The following HIVEP3 variants were observed in gnomAD, a reference collection of about 807,000 sequenced individuals.
The protein encoded by HIVEP3 is HIVEP zinc finger 3.
Under a neutral mutation model 152.8 loss-of-function variants are expected in HIVEP3, and 49 were observed. That is an observed-to-expected ratio of 0.32 (90% confidence interval 0.26 to 0.41). The LOEUF is 0.41. HIVEP3 is among the 10% of genes least tolerant of loss of function. HIVEP3 has a pLI of 1.00. For missense variants in HIVEP3, 2,790 were observed against 3,103.3 expected, an observed-to-expected ratio of 0.90 and a Z score of 2.40; for synonymous variants, 1,269 against 1,289.0, an observed-to-expected ratio of 0.98 and a Z score of 0.33.
At chr1:41,524,675 C>T (rs1642849627) in intron 6 of HIVEP3, 60 bp downstream of exon 6, 2 of 1,490,774 alleles carry the variant, frequency 1.3e-6, no homozygotes, top group South Asian at 1.1e-5. Flanking sequence ...TGTGCTGGGA[C>T]TCCCAGAGGG....
chr1:41,988,611 T>A (rs1459143914), intron 1 of HIVEP3, among the ~76,000 whole-genome samples: 1 of 152,196 alleles, frequency 6.6e-6, no homozygotes, highest in Non-Finnish European at 1.5e-5. Flanking sequence ...TCTACACTAC[T>A]GATGGGAATG....
intron 1 of HIVEP3, among the ~76,000 whole-genome samples, chr1:42,008,730 G>C (rs769706904): frequency 2.1e-4 from 32 of 152,088 alleles, no homozygotes; most frequent in Non-Finnish European, 2.9e-5. Context: ...CACATGGCTG[G>C]TACAGCAGAC....
intron 3 of HIVEP3, among the ~76,000 whole-genome samples, chr1:41,619,454 ATG>A (rs369682216): frequency 6.6e-6 from 1 of 152,188 alleles, no homozygotes; most frequent in African/African-American, 2.4e-5. Context: ...GAGAGTGTGC[ATG>A]TGTGTGTAGT....
chr1:41,691,524 G>A (rs1646198735), intron 2 of HIVEP3, among the ~76,000 whole-genome samples: 2 of 152,170 alleles, frequency 1.3e-5, no homozygotes, highest in Admixed American at 1.3e-4. Flanking sequence ...CGGGATTAGT[G>A]CCCTTATAAA....
intron 1 of HIVEP3, among the ~76,000 whole-genome samples, chr1:41,761,251 T>C (rs945084614): frequency 6.6e-6 from 1 of 152,194 alleles, no homozygotes; most frequent in Non-Finnish European, 1.5e-5. Context: ...TACATGTGTA[T>C]GTATGCATGT....
At chr1:41,942,869 G>A (rs577506346) in intron 1 of HIVEP3, among the ~76,000 whole-genome samples, 7 of 152,008 alleles carry the variant, frequency 4.6e-5, no homozygotes, top group Non-Finnish European at 8.8e-5. Context: ...AATATAAACA[G>A]GAAGATATAT....
intron 3 of HIVEP3, among the ~76,000 whole-genome samples, chr1:41,596,713 CTAAT>C (rs1193400080): frequency 2.0e-5 from 3 of 152,196 alleles, no homozygotes; most frequent in Non-Finnish European, 2.9e-5. Context: ...AGGGCTGAGG[CTAAT>C]TGCTTCAGAT....
intron 1 of HIVEP3, among the ~76,000 whole-genome samples, chr1:41,805,967 C>A (rs1312726912): frequency 2.0e-5 from 3 of 152,196 alleles, no homozygotes; most frequent in Non-Finnish European, 4.4e-5. Flanking sequence ...TCCCCCCACT[C>A]CCTCCCGTGT....
chr1:41,744,020 A>G lies in HIVEP3; in HGVS notation c.-800-43025T>C, dbSNP rs565967700. Among the ~76,000 whole-genome samples the G allele has an allele frequency of 2.0e-5, 3 of 151,928 alleles. No individual in the cohort carries two copies. The East Asian group carries it at 5.8e-4, about 29-fold the overall frequency. ...CATAGAATCTTTCCCTTCTGACTTG[A>G]GTTCAGAAGCCAGCCAGCATTTTTT... is the stretch of plus-strand genomic sequence containing the variant. On this transcript the variant is annotated intron_variant, in intron 1 of 8. Transcript: ENST00000372583.
At position 41,582,336 on chromosome 1, in the gene HIVEP3, TC is replaced by T; in HGVS notation, c.2461del (p.Glu821LysfsTer39). ...TGGGAACTGGGCCAGAGGTTTGTCT[TC>T]CCCTTCCAAGCCACTCGGCTGCTCG... ...SLEQPSGLEGEDKPLAQFPSP... is the reference protein window; with the variant it reads ...SLEQPSGLEGXDKPLAQFPSP... On this transcript the variant is annotated frameshift_variant, in exon 4 of 9. Transcript: ENST00000372583. LOFTEE classifies it high-confidence loss of function. The surrounding 1 kb of genome is among the most constrained non-coding windows in gnomAD (Gnocchi z 4.7). 3 of 1,614,034 alleles carry T rather than the reference TC, an allele frequency of 1.9e-6. No homozygotes were observed. The highest frequency in any genetic ancestry group is 2.5e-6 in the Non-Finnish European group (3 of 1,179,962).
chr1:41,955,395 G>T (rs1405193143), intron 1 of HIVEP3, among the ~76,000 whole-genome samples: 2 of 152,104 alleles, frequency 1.3e-5, no homozygotes, highest in East Asian at 1.9e-4. Flanking sequence ...TTAATTAGTA[G>T]CTCCATCATT....
At chr1:41,676,399 C>T (rs1373458820) in intron 2 of HIVEP3, among the ~76,000 whole-genome samples, 1 of 152,006 alleles carries the variant, frequency 6.6e-6, no homozygotes, top group African/African-American at 2.4e-5. Context: ...CTGGGGATGG[C>T]GGGGACAGTT....
intron 1 of HIVEP3, among the ~76,000 whole-genome samples, chr1:41,897,964 AG>A (rs1180697697): frequency 5.4e-5 from 8 of 148,134 alleles, no homozygotes; most frequent in African/African-American, 1.8e-4. Flanking sequence ...AGAGAGAGAG[AG>A]AGAGAGAGAG....
chr1:41,749,862 C>T (rs1647132519), intron 1 of HIVEP3, among the ~76,000 whole-genome samples: 1 of 152,182 alleles, frequency 6.6e-6, no homozygotes, highest in Non-Finnish European at 1.5e-5. Flanking sequence ...GTGGGGGTCA[C>T]CTCTGTCCAA....
chr1:41,797,533 G>A (rs1650050655), intron 1 of HIVEP3, among the ~76,000 whole-genome samples: 1 of 152,108 alleles, frequency 6.6e-6, no homozygotes, highest in Non-Finnish European at 1.5e-5. Context: ...GAGAATTTCT[G>A]GTAGGAGGAG....
At chr1:41,682,240 C>T (rs1001705691) in intron 2 of HIVEP3, among the ~76,000 whole-genome samples, 1 of 152,198 alleles carries the variant, frequency 6.6e-6, no homozygotes, top group African/African-American at 2.4e-5. Flanking sequence ...CTTTCAGGCC[C>T]ATCCCCACCA....
intron 1 of HIVEP3, among the ~76,000 whole-genome samples, chr1:41,714,495 A>T (rs1193403066): frequency 6.6e-6 from 1 of 152,212 alleles, no homozygotes; most frequent in Non-Finnish European, 1.5e-5. Context: ...GATTTCAAGG[A>T]CAGCAGGGGG....
At chr1:42,012,132 G>A (rs555135483) in intron 1 of HIVEP3, among the ~76,000 whole-genome samples, 1 of 152,222 alleles carries the variant, frequency 6.6e-6, no homozygotes, top group African/African-American at 2.4e-5. Context: ...CCTGACTTAG[G>A]CCATGTTTAG....
rs1175028926 is a variant in HIVEP3, at chr1:41,507,333, G to T, written c.*3118C>A. On this transcript the variant is annotated 3_prime_UTR_variant, in exon 9 of 9. Coordinates refer to ENST00000372583, the MANE Select transcript of HIVEP3 (RefSeq NM_024503.5). ...GTCGGGCTCCTGGAGGGTTGCAGGG[G>T]TTGAGCCCAGAGTGAGAGCCACAGG... 6.6e-6 allele frequency: 1 copy of T among 152,334 alleles called. No individual in the cohort carries two copies. 9.4% of individuals were successfully genotyped at this position (152,334 alleles called of 1,614,324 possible).
Sources: gnomAD v4.1 joint callset for allele counts (sites outside exome capture counted in the v4.1 genomes callset) on GRCh38, gnomAD v4.1.1 for gene constraint, Gnocchi (gnomAD v3.1) non-coding constraint, MANE v1.5 for transcripts, NCBI Gene and HGNC (gene_info 2026-07-23, HGNC 2026-07-21) for gene names.